Variants in PCDH19 observed in about 807,000 individuals in gnomAD.
PCDH19 encodes the protein protocadherin-19.
A neutral mutation model predicts 46.2 loss-of-function variants in PCDH19; 6 were observed. That is an observed-to-expected ratio of 0.13 (90% CI 0.07 to 0.26). The LOEUF (loss-of-function observed/expected upper bound fraction) is 0.26, where lower values mean the gene tolerates loss of function less well. PCDH19 is among the 10% of genes least tolerant of loss of function. The probability of loss-of-function intolerance (pLI) is 1.00; values close to 1 mark genes in which losing one functional copy is unlikely to be tolerated. For synonymous variants in PCDH19, 481 were observed against 415.7 expected (o/e 1.16, Z -1.91); for missense variants, 740 against 972.3 (o/e 0.76, Z 3.18).
Position 100,296,146 on chromosome X carries a change from A to G in PCDH19, c.*131T>C. 1 of 569,908 alleles carries G rather than the reference A, an allele frequency of 1.8e-6. No homozygotes were observed. Among genetic ancestry groups the G allele is most frequent in the Non-Finnish European group, 3.1e-6 (1 of 327,471 alleles). The allele number at this position is 569,908 out of a possible 1,213,427, so 47.0% of individuals were successfully genotyped here. ...CTGTCACAGAATGATAATCACCTAT[A>G]AACAATACATTTAGGAAAAGCTCTG... On this transcript the variant is annotated 3_prime_UTR_variant, in exon 6 of 6. Coordinates refer to ENST00000373034, the MANE Select transcript of PCDH19 (RefSeq NM_001184880.2).
chrX:100,315,058 A>G (rs1281107627), intron 5 of PCDH19, among the ~76,000 whole-genome samples: 2 of 112,250 alleles, frequency 1.8e-5, no homozygotes, highest in Non-Finnish European at 3.8e-5. Flanking sequence ...AGACAATGGC[A>G]GTGGCCAAGA....
intron 3 of PCDH19, among the ~76,000 whole-genome samples, chrX:100,388,410 G>C (rs939497702): frequency 3.1e-4 from 34 of 110,223 alleles, no homozygotes; most frequent in African/African-American, 1.1e-3. Flanking sequence ...GTGTAATTAA[G>C]TATTCCTCAA....
chrX:100,296,591 T>C lies in PCDH19; in HGVS notation c.3133A>G (p.Ser1045Gly). 1 of 1,211,669 alleles carries C rather than the reference T, an allele frequency of 8.3e-7. No homozygotes were observed. The change falls in exon 6 of 6, where the codon AGC becomes GGC. Residue 1045 changes from serine (S) to glycine (G), a missense_variant. By Grantham distance (56) the Ser-to-Gly change is moderately conservative (BLOSUM62 0). Coordinates refer to ENST00000373034, the MANE Select transcript of PCDH19 (RefSeq NM_001184880.2). ...GKRTVDVTIC[S>G]PKVNSVIREA... ...CGGATAACGCTGTTGACCTTGGGGC[T>C]GCAGATGGTCACATCGACAGTCCTC...
intron 5 of PCDH19, among the ~76,000 whole-genome samples, chrX:100,322,863 A>ATTTTT (rs1358059816): frequency 9.2e-4 from 37 of 40,106 alleles, no homozygotes; most frequent in Middle Eastern, 0.017. Context: ...ATATATATAT[A>ATTTTT]TATTTTTGCA....
intron 5 of PCDH19, among the ~76,000 whole-genome samples, chrX:100,313,364 C>T (rs1490371437): frequency 9.0e-6 from 1 of 111,447 alleles, no homozygotes; most frequent in African/African-American, 3.3e-5. Flanking sequence ...GAATTTGAAG[C>T]TCCGTTCAAG....
intron 5 of PCDH19, among the ~76,000 whole-genome samples, chrX:100,314,359 T>G: frequency 8.9e-6 from 1 of 111,932 alleles, no homozygotes; most frequent in South Asian, 3.7e-4. Context: ...TACCAAGAGC[T>G]TGCCTTTTTT....
chrX:100,357,770 G>T (rs1215222481), intron 3 of PCDH19, among the ~76,000 whole-genome samples: 1 of 112,126 alleles, frequency 8.9e-6, no homozygotes, highest in Admixed American at 9.5e-5. Flanking sequence ...CAGGTTCTAT[G>T]ATTATTTCAT....
chrX:100,331,397 G>A (rs1440850288), intron 5 of PCDH19, among the ~76,000 whole-genome samples: 6 of 112,205 alleles, frequency 5.3e-5, no homozygotes, highest in Non-Finnish European at 1.1e-4. Context: ...AGCTTTACAA[G>A]TCCATCTAAG....
At chrX:100,391,555 A>G (rs1225238996) in intron 3 of PCDH19, among the ~76,000 whole-genome samples, 2 of 112,032 alleles carry the variant, frequency 1.8e-5, no homozygotes, top group Non-Finnish European at 3.8e-5. Flanking sequence ...TTGTCATCAC[A>G]TGGACTCAAA....
Position 100,296,829 on chromosome X carries a change from G to T in PCDH19, c.2895C>A (p.Gly965=). 1 of 1,210,781 alleles carries T rather than the reference G, an allele frequency of 8.3e-7. No homozygotes were observed. The highest frequency in any genetic ancestry group is 1.1e-6 in the Non-Finnish European group (1 of 894,801). Reference sequence around the variant, plus strand: ...GGGGCATCCAGCACCTGTCAGAGTGGCCAAGAATCCGGCATTCTTCCCGGC... The same window carrying T: ...GGGGCATCCAGCACCTGTCAGAGTGTCCAAGAATCCGGCATTCTTCCCGGC... The part of the protein sequence containing the change: ...FHCREECRIL[G]HSDRCWMPRN... Residue 965 remains glycine, a synonymous_variant, in exon 6 of 6, where the codon GGC becomes GGA. Coordinates refer to ENST00000373034, the MANE Select transcript of PCDH19 (RefSeq NM_001184880.2).
At position 100,322,839 on chromosome X, in the gene PCDH19, A is replaced by G. The variant is rs1264933535; in HGVS notation, c.2848+19064T>C. Among the ~76,000 whole-genome samples, 34 of 52,671 alleles carry G rather than the reference A, an allele frequency of 6.5e-4. 2 individuals are homozygous for G. Among genetic ancestry groups the G allele is most frequent in the South Asian group, 1.4e-3 (2 of 1,476 alleles). 45.7% of individuals were successfully genotyped at this position (52,671 alleles called of 115,157 possible). ...TGGTTAGGTATATTCCTAAGTATAT[A>G]TATATATATATATATATATATATAT... On this transcript the variant is annotated intron_variant, in intron 5 of 5. Transcript: ENST00000373034.
At position 100,341,410 on chromosome X, in the gene PCDH19, T is replaced by C. The variant is rs186557512; in HGVS notation, c.2848+493A>G. Among the ~76,000 whole-genome samples the C allele has an allele frequency of 3.6e-5, 4 of 111,887 alleles. No homozygotes were observed. The East Asian group carries it at 1.1e-3, about 32-fold the overall frequency. Reference sequence around the variant, plus strand: ...CATAGACAAAATGGGAAGTTTGGTATTTTCTATCCTCAGTAAATAGTACAC... The same window carrying C: ...CATAGACAAAATGGGAAGTTTGGTACTTTCTATCCTCAGTAAATAGTACAC... On this transcript the variant is annotated intron_variant, in intron 5 of 5. Coordinates refer to ENST00000373034, the MANE Select transcript of PCDH19 (RefSeq NM_001184880.2).
At chrX:100,311,351 C>T (rs1925126860) in intron 5 of PCDH19, among the ~76,000 whole-genome samples, 1 of 110,945 alleles carries the variant, frequency 9.0e-6, no homozygotes, top group African/African-American at 3.3e-5. Flanking sequence ...AGACAGAGCA[C>T]GTTGGCCAAG....
At position 100,406,774 on chromosome X, in the gene PCDH19, G is replaced by A; in HGVS notation, c.1824C>T (p.Thr608=). ...GENGRVTYDM[T]EGDRGFFEID... ...TTTCAAAGAAGCCGCGGTCGCCCTC[G>A]GTCATGTCGTAGGTGACTCGGCCAT... is the stretch of plus-strand genomic sequence containing the variant. The change falls in exon 1 of 6, where the codon ACC becomes ACT. Residue 608 remains threonine, a synonymous_variant. Transcript: ENST00000373034. The A allele has an allele frequency of 1.7e-6, 2 of 1,211,698 alleles. No individual in the cohort carries two copies. The highest frequency in any genetic ancestry group is 1.1e-6 in the Non-Finnish European group (1 of 895,510).
intron 5 of PCDH19, among the ~76,000 whole-genome samples, chrX:100,340,457 C>A (rs1036245833): frequency 8.9e-6 from 1 of 112,326 alleles, no homozygotes; most frequent in Admixed American, 9.4e-5. Context: ...CTTTGAAACA[C>A]ACAACTAGTA....
chrX:100,376,235 C>CAAA (rs1171817638), intron 3 of PCDH19, among the ~76,000 whole-genome samples: 3 of 32,922 alleles, frequency 9.1e-5, no homozygotes, highest in Non-Finnish European at 1.1e-4. Context: ...AACTCCGTCT[C>CAAA]AAAAAAAAAA....
chrX:100,398,855 G>T (rs1013735485), intron 3 of PCDH19, among the ~76,000 whole-genome samples: 1 of 111,906 alleles, frequency 8.9e-6, no homozygotes, highest in Non-Finnish European at 1.9e-5. Context: ...TGGATCTACA[G>T]CTCATAAAGG....
chrX:100,326,888 C>T (rs1443506451), intron 5 of PCDH19, among the ~76,000 whole-genome samples: 1 of 111,251 alleles, frequency 9.0e-6, no homozygotes, highest in Non-Finnish European at 1.9e-5. Context: ...GCATTTCTCC[C>T]CTCTGATTCT....
intron 3 of PCDH19, among the ~76,000 whole-genome samples, chrX:100,362,030 C>G (rs1926898469): frequency 9.0e-6 from 1 of 111,446 alleles, no homozygotes; most frequent in South Asian, 3.8e-4. Flanking sequence ...AAATCAGGAC[C>G]AATTTTAAAC....
Sources: gnomAD v4.1 joint callset for allele counts (sites outside exome capture counted in the v4.1 genomes callset) on GRCh38, gnomAD v4.1.1 for gene constraint, MANE v1.5 for transcripts, NCBI Gene and HGNC (gene_info 2026-07-23, HGNC 2026-07-21) for gene names.